Variants in IDE observed in about 807,000 individuals in gnomAD.
The protein encoded by IDE is insulin-degrading enzyme.
IDE carries 58 observed loss-of-function variants against 133.2 expected under a neutral mutation model. The ratio of observed to expected loss-of-function variants is 0.44; its 90% CI spans 0.35 to 0.54. The LOEUF is 0.54. Among genes scored for constraint, IDE ranks in the 20% least tolerant of loss-of-function variants. The pLI, the probability that IDE is intolerant of heterozygous loss-of-function variation, is 0.00. For missense variants in IDE, 981 were observed against 1,234.0 expected, an observed-to-expected ratio of 0.79 and a Z score of 3.07; for synonymous variants, 396 against 421.3, an observed-to-expected ratio of 0.94 and a Z score of 0.73.
chr10:92,481,850 T>G (rs1325948452), intron 14 of IDE, among the ~76,000 whole-genome samples: 2 of 152,074 alleles, frequency 1.3e-5, no homozygotes. Flanking sequence ...TCTCAAAGGG[T>G]AGTCTAAAGA....
At chr10:92,516,664 A>G (rs985080594) in intron 4 of IDE, among the ~76,000 whole-genome samples, 20 of 152,216 alleles carry the variant, frequency 1.3e-4, no homozygotes, top group Middle Eastern at 3.4e-3. Context: ...TCACTGAGGG[A>G]TTTTTTTAGA....
Position 92,572,898 on chromosome 10 carries a change from C to A in IDE, c.98+1024G>T, listed in dbSNP as rs150095796. On this transcript the variant is annotated intron_variant, in intron 1 of 24. Coordinates refer to ENST00000265986, the MANE Select transcript of IDE (RefSeq NM_004969.4). The stretch of plus-strand genomic sequence containing the variant: ...ACTACCCATACTACCCATCTTCTGA[C>A]CCTCATCAACACACCCTTGTAGCTA... 3.8e-5 allele frequency: 37 copies of A among 985,312 alleles called. No individual in the cohort carries two copies. In the East Asian group the frequency reaches 3.6e-3, roughly 97 times the overall value. The allele number at this position is 985,312 out of a possible 1,614,324, so 61.0% of individuals were successfully genotyped here.
intron 17 of IDE, among the ~76,000 whole-genome samples, chr10:92,473,233 A>G (rs1846070761): frequency 6.6e-6 from 1 of 151,972 alleles, no homozygotes; most frequent in Non-Finnish European, 1.5e-5. Flanking sequence ...CCCGGCCCAA[A>G]ATTCTTTTTA....
intron 22 of IDE, among the ~76,000 whole-genome samples, chr10:92,456,844 CAAAAAAAAAAAAA>C (rs57422406): frequency 1.5e-4 from 8 of 52,178 alleles, no homozygotes; most frequent in South Asian, 1.2e-3. Context: ...GACTCTGTCT[CAAAAAAAAAAAAA>C]AAAAAAAAAA....
rs368035289 is a variant in IDE, at chr10:92,507,632, T to C, written c.1188A>G (p.Gln396=). 5.9e-5 allele frequency: 94 copies of C among 1,605,590 alleles called. No homozygotes were observed. The highest frequency in any genetic ancestry group is 1.8e-4 in the South Asian group (16 of 90,908). The change falls in exon 9 of 25, where the codon CAA becomes CAG. Residue 396 remains glutamine (Q), a synonymous_variant. Coordinates refer to ENST00000265986, the MANE Select transcript of IDE (RefSeq NM_004969.4). ...CTTCTGCACGTAACTTCTGAATGTA[T>C]TGAAACATGTGCAAAATTATATCTT... is the stretch of plus-strand genomic sequence containing the variant. ...HVEDIILHMF[Q]YIQKLRAEGP...
At chr10:92,481,557 A>G (rs1430413521) in intron 14 of IDE, among the ~76,000 whole-genome samples, 1 of 152,254 alleles carries the variant, frequency 6.6e-6, no homozygotes, top group African/African-American at 2.4e-5. Context: ...TTCATGTGTT[A>G]ATTTTAAAAA....
intron 4 of IDE, among the ~76,000 whole-genome samples, chr10:92,530,200 T>C (rs1331531402): frequency 6.6e-6 from 1 of 151,870 alleles, no homozygotes; most frequent in Non-Finnish European, 1.5e-5. Context: ...CATTCCAGCC[T>C]GGGTGATAAG....
chr10:92,469,410 G>A (rs2135368203), intron 18 of IDE, among the ~76,000 whole-genome samples: 1 of 152,162 alleles, frequency 6.6e-6, no homozygotes, highest in East Asian at 1.9e-4. Context: ...GTATAGCAGA[G>A]TGGTAGAGAC....
chr10:92,469,049 A>T, intron 18 of IDE, 59 bp from the exon 19 acceptor site: 1 of 943,246 alleles, frequency 1.1e-6, no homozygotes, highest in Non-Finnish European at 1.7e-6. Flanking sequence ...TTGTTTGTGA[A>T]ATAAACTGGC....
At chr10:92,501,394 C>T (rs574473149) in intron 11 of IDE, among the ~76,000 whole-genome samples, 112 of 120,312 alleles carry the variant, frequency 9.3e-4, no homozygotes, top group Non-Finnish European at 1.5e-3. Context: ...AAAAAAAAGC[C>T]GGTGCATTGG....
At chr10:92,547,958 G>A (rs187109626) in intron 1 of IDE, among the ~76,000 whole-genome samples, 3 of 152,026 alleles carry the variant, frequency 2.0e-5, no homozygotes, top group South Asian at 2.1e-4. Context: ...CCTATGTTGC[G>A]CAGGCTGAAC....
At chr10:92,461,505 G>C (rs73323661) in intron 21 of IDE, among the ~76,000 whole-genome samples, 8,844 of 151,844 alleles carry the variant, frequency 0.058, 883 homozygotes, top group African/African-American at 0.2. Context: ...ACAGGCACAA[G>C]CCAACACGTC....
chr10:92,569,342 G>C (rs1007342346), intron 1 of IDE, among the ~76,000 whole-genome samples: 2 of 152,238 alleles, frequency 1.3e-5, no homozygotes, highest in African/African-American at 4.8e-5. Context: ...ATTTAGGCGA[G>C]ACAACAGCTT....
intron 1 of IDE, chr10:92,573,160 C>A (rs1203393238): frequency 1.0e-6 from 1 of 985,326 alleles, no homozygotes; most frequent in South Asian, 4.7e-5. Context: ...CTGAAAACGC[C>A]TAGCGTACGC....
chr10:92,571,380 G>A (rs1254665853), intron 1 of IDE, among the ~76,000 whole-genome samples: 1 of 152,180 alleles, frequency 6.6e-6, no homozygotes, highest in Non-Finnish European at 1.5e-5. Flanking sequence ...GGGGTACCCT[G>A]TTCTTTTACA....
intron 4 of IDE, among the ~76,000 whole-genome samples, chr10:92,524,341 A>ATT (rs1849411006): frequency 2.0e-5 from 1 of 49,608 alleles, no homozygotes; most frequent in Non-Finnish European, 3.5e-5. Context: ...TATATATTAT[A>ATT]TTATATATAA....
intron 1 of IDE, among the ~76,000 whole-genome samples, chr10:92,569,067 T>C (rs531994174): frequency 6.6e-6 from 1 of 152,246 alleles, no homozygotes; most frequent in South Asian, 2.1e-4. Context: ...TTAAAAATTA[T>C]TAAGTTGAGA....
chr10:92,570,106 CAA>C (rs968794530), intron 1 of IDE, among the ~76,000 whole-genome samples: 1 of 130,864 alleles, frequency 7.6e-6, no homozygotes. Context: ...GACTCAGTCT[CAA>C]AAAAAAAAAA....
intron 1 of IDE, among the ~76,000 whole-genome samples, chr10:92,563,628 G>A (rs1201195889): frequency 6.6e-5 from 10 of 151,988 alleles, no homozygotes; most frequent in African/African-American, 1.7e-4. Flanking sequence ...GCACGCGCCT[G>A]TAGTCCCAAC....
Sources: gnomAD v4.1 joint callset for allele counts (sites outside exome capture counted in the v4.1 genomes callset) on GRCh38, gnomAD v4.1.1 for gene constraint, MANE v1.5 for transcripts, NCBI Gene and HGNC (gene_info 2026-07-23, HGNC 2026-07-21) for gene names.